Variants in FHOD3 observed in about 807,000 individuals in gnomAD.
FHOD3 encodes the protein formin homology 2 domain containing 3, also known as FH1/FH2 domain-containing protein 3.
A neutral mutation model predicts 173.0 loss-of-function variants in FHOD3; 90 were observed. The ratio of observed to expected loss-of-function variants is 0.52; its 90% CI spans 0.44 to 0.62. FHOD3 has a LOEUF of 0.62. Among genes scored for constraint, FHOD3 ranks in the 20% least tolerant of loss-of-function variants. The pLI, the probability that FHOD3 is intolerant of heterozygous loss-of-function variation, is 0.00. For missense variants in FHOD3, 1,945 were observed against 2,034.7 expected, an observed-to-expected ratio of 0.96 and a Z score of 0.85; for synonymous variants, 828 against 823.0, an observed-to-expected ratio of 1.01 and a Z score of -0.10.
chr18:36,445,280 A>G (rs1440673244), intron 3 of FHOD3, among the ~76,000 whole-genome samples: 1 of 152,184 alleles, frequency 6.6e-6, no homozygotes, highest in Non-Finnish European at 1.5e-5. Flanking sequence ...TCTAGGGGAC[A>G]TATGAGCTGC....
chr18:36,370,641 T>C (rs1434375199), intron 2 of FHOD3, among the ~76,000 whole-genome samples: 1 of 152,228 alleles, frequency 6.6e-6, no homozygotes, highest in Non-Finnish European at 1.5e-5. Context: ...CTGAAATGTC[T>C]TCCCTGGCCA....
intron 3 of FHOD3, among the ~76,000 whole-genome samples, chr18:36,428,793 G>A (rs1450792102): frequency 6.6e-6 from 1 of 152,188 alleles, no homozygotes; most frequent in African/African-American, 2.4e-5. Context: ...TTCTTCAGAG[G>A]AGGAATTTGA....
At chr18:36,548,342 G>T (rs534976878) in intron 5 of FHOD3, among the ~76,000 whole-genome samples, 5 of 152,186 alleles carry the variant, frequency 3.3e-5, no homozygotes, top group Admixed American at 1.3e-4. Flanking sequence ...TGTTAGTTTT[G>T]TAGGGGACTT....
chr18:36,480,905 C>T (rs2053847949), intron 3 of FHOD3, among the ~76,000 whole-genome samples: 1 of 151,826 alleles, frequency 6.6e-6, no homozygotes, highest in Non-Finnish European at 1.5e-5. Context: ...TTGCCTTGAG[C>T]ACTTCCTTCT....
At chr18:36,332,349 C>G in intron 1 of FHOD3, among the ~76,000 whole-genome samples, 1 of 152,182 alleles carries the variant, frequency 6.6e-6, no homozygotes, top group East Asian at 1.9e-4. Context: ...GCTCTCCTTG[C>G]AAGGCTTCTC....
At chr18:36,463,542 A>T (rs539257820) in intron 3 of FHOD3, among the ~76,000 whole-genome samples, 2 of 122,704 alleles carry the variant, frequency 1.6e-5, no homozygotes, top group South Asian at 5.6e-4. Context: ...ATGTCGCCCC[A>T]GGCTGGAGTG....
chr18:36,313,026 G>C (rs1006681876), intron 1 of FHOD3, among the ~76,000 whole-genome samples: 3 of 152,144 alleles, frequency 2.0e-5, no homozygotes, highest in African/African-American at 7.2e-5. Context: ...GGAGCTCCTT[G>C]GGTGTCTCTC....
rs975021874 is a variant in FHOD3 at position 36,687,009 on chromosome 18, C to T, written c.1971-119C>T. 3.5e-5 allele frequency: 23 copies of T among 665,902 alleles called. 1 individual carries two copies. Among genetic ancestry groups the T allele is most frequent in the Middle Eastern group, 4.1e-4 (1 of 2,438 alleles). The allele number at this position is 665,902 out of a possible 1,614,324, so 41.2% of individuals were successfully genotyped here. ...TAAAAATTCAGCTACAACCATTTTA[C>T]ATTTCTGAGGCAGTGCCAGTCTTTC... is the stretch of plus-strand genomic sequence containing the variant. On this transcript the variant is annotated intron_variant, in intron 15 of 28. Transcript: ENST00000590592.
chr18:36,759,317 A>G (rs1045901876), intron 26 of FHOD3, among the ~76,000 whole-genome samples, 176 bp downstream of exon 26: 2 of 151,998 alleles, frequency 1.3e-5, no homozygotes, highest in Non-Finnish European at 2.9e-5. Context: ...GGCTCTCATC[A>G]TGCCACGTTT....
chr18:36,486,921 G>T (rs2054223559), intron 3 of FHOD3, among the ~76,000 whole-genome samples: 1 of 152,158 alleles, frequency 6.6e-6, no homozygotes, highest in Non-Finnish European at 1.5e-5. Context: ...GGTATTTTGT[G>T]TCTGGCTTAT....
intron 3 of FHOD3, among the ~76,000 whole-genome samples, chr18:36,498,467 C>T (rs2054856473): frequency 6.6e-6 from 1 of 152,046 alleles, no homozygotes. Flanking sequence ...CACAAATTAC[C>T]AATACCAGGT....
At chr18:36,505,361 AC>A (rs938204511) in intron 4 of FHOD3, among the ~76,000 whole-genome samples, 2 of 152,236 alleles carry the variant, frequency 1.3e-5, no homozygotes, top group African/African-American at 4.8e-5. Context: ...ACCATAGATG[AC>A]CTGAAGAAAC....
chr18:36,384,379 C>CA (rs1395911780), intron 3 of FHOD3, among the ~76,000 whole-genome samples: 2 of 148,588 alleles, frequency 1.3e-5, no homozygotes, highest in African/African-American at 2.6e-5. Flanking sequence ...GACTCTGTCT[C>CA]AAAAAAACAA....
At position 36,417,527 on chromosome 18, in the gene FHOD3, C is replaced by T. The variant is rs190750210; in HGVS notation, c.337+44783C>T. Among the ~76,000 whole-genome samples the T allele has an allele frequency of 4.3e-3, 649 of 152,232 alleles. 2 individuals are homozygous for T. The highest frequency in any genetic ancestry group is 7.4e-3 in the Admixed American group (113 of 15,286). On this transcript the variant is annotated intron_variant, in intron 3 of 28. Coordinates refer to ENST00000590592, the MANE Select transcript of FHOD3 (RefSeq NM_001281740.3). ...CTATTGTGAATAGTGCTGCAATGAACGTGTGCATGTGTCTTTATAATAGAA... is the reference window on the plus strand; with the variant it reads ...CTATTGTGAATAGTGCTGCAATGAATGTGTGCATGTGTCTTTATAATAGAA...
At chr18:36,727,091 C>T (rs2041116149) in intron 19 of FHOD3, among the ~76,000 whole-genome samples, 1 of 151,168 alleles carries the variant, frequency 6.6e-6, no homozygotes, top group South Asian at 2.1e-4. Flanking sequence ...GGTGGTCAGG[C>T]CTAGGGTGGA....
chr18:36,729,019 C>T (rs981285220), intron 19 of FHOD3, among the ~76,000 whole-genome samples: 2 of 152,174 alleles, frequency 1.3e-5, no homozygotes, highest in African/African-American at 4.8e-5. Context: ...GGTCTTCTGT[C>T]CCCAGACTAG....
chr18:36,480,399 C>T (rs898100162), intron 3 of FHOD3, among the ~76,000 whole-genome samples: 6 of 152,152 alleles, frequency 3.9e-5, no homozygotes, highest in Admixed American at 1.3e-4. Flanking sequence ...GTTTCGCTAG[C>T]GGGAAATTGG....
chr18:36,571,606 C>T (rs1486091055), intron 5 of FHOD3, among the ~76,000 whole-genome samples: 1 of 152,142 alleles, frequency 6.6e-6, no homozygotes, highest in African/African-American at 2.4e-5. Context: ...ATCATACTAC[C>T]TGATTTTAAC....
chr18:36,679,372 T>C (rs1226940629), intron 14 of FHOD3, among the ~76,000 whole-genome samples: 2 of 151,600 alleles, frequency 1.3e-5, no homozygotes, highest in East Asian at 3.8e-4. Flanking sequence ...TGTTGATTTT[T>C]GTCTATACAC....
Sources: gnomAD v4.1 joint callset for allele counts (sites outside exome capture counted in the v4.1 genomes callset) on GRCh38, gnomAD v4.1.1 for gene constraint, MANE v1.5 for transcripts, NCBI Gene and HGNC (gene_info 2026-07-23, HGNC 2026-07-21) for gene names.